The following FAM186B variants were observed in gnomAD, a reference collection of about 807,000 sequenced individuals.
FAM186B encodes the protein protein FAM186B.
Under a neutral mutation model 83.4 loss-of-function variants are expected in FAM186B, and 68 were observed. The ratio of observed to expected loss-of-function variants is 0.81; its 90% CI spans 0.67 to 1.00. The LOEUF (loss-of-function observed/expected upper bound fraction) is 1.00. Ranked by LOEUF, FAM186B falls within the 50% of genes least tolerant of loss-of-function variation. The pLI, the probability that FAM186B is intolerant of heterozygous loss-of-function variation, is 0.00. For synonymous variants in FAM186B, 389 were observed against 422.0 expected (o/e 0.92, Z 0.96); for missense variants, 983 against 1,099.2 (o/e 0.89, Z 1.49).
chr12:49,622,010 A>T, the FAM186B span, among the ~76,000 whole-genome samples: 1 of 152,276 alleles, frequency 6.6e-6, no homozygotes, highest in Non-Finnish European at 1.5e-5. Flanking sequence ...GTTCTAAGAA[A>T]TATTTCATTA....
chr12:49,601,880 C>A (rs1939903768), intron 3 of FAM186B, among the ~76,000 whole-genome samples: 1 of 152,084 alleles, frequency 6.6e-6, no homozygotes, highest in Non-Finnish European at 1.5e-5. Context: ...GTGGAAAAAA[C>A]AATGCTAACT....
the FAM186B span, among the ~76,000 whole-genome samples, chr12:49,612,763 T>C: frequency 5.9e-5 from 9 of 152,124 alleles, no homozygotes; most frequent in South Asian, 2.1e-4. Flanking sequence ...CAAAAAGACA[T>C]AGACAACCAC....
At chr12:49,597,045 T>A (rs1939743770) in intron 5 of FAM186B, among the ~76,000 whole-genome samples, 1 of 152,214 alleles carries the variant, frequency 6.6e-6, no homozygotes, top group African/African-American at 2.4e-5. Flanking sequence ...ATATTCACCA[T>A]TGTGTTCTGA....
the FAM186B span, among the ~76,000 whole-genome samples, chr12:49,612,367 G>GTTT: frequency 4.4e-4 from 59 of 134,026 alleles, no homozygotes; most frequent in African/African-American, 1.1e-3. Context: ...ATCCAACAAA[G>GTTT]TTTTTTTTTT....
Position 49,600,784 on chromosome 12 carries a change from G to C in FAM186B, c.856C>G (p.Leu286Val), listed in dbSNP as rs1939870399. Residue 286 changes from leucine (L) to valine (V), a missense_variant, in exon 4 of 7, where the codon CTT becomes GTT. Coordinates refer to ENST00000257894, the MANE Select transcript of FAM186B (RefSeq NM_032130.3). The surrounding 1 kb of genome is among the most constrained non-coding windows in gnomAD (Gnocchi z 4.3). ...RLHFQQFMEVLESRRDALLKQ... is the reference protein window; with the variant it reads ...RLHFQQFMEVVESRRDALLKQ... ...AGCAGAGCATCCCTCCTGCTCTCAA[G>C]GACCTCCATGAACTGCTGGAAGTGC... 3 of 1,613,010 alleles carry C rather than the reference G, an allele frequency of 1.9e-6. No individual in the cohort carries two copies. Among genetic ancestry groups the C allele is most frequent in the Non-Finnish European group, 2.5e-6 (3 of 1,179,264 alleles).
the FAM186B span, among the ~76,000 whole-genome samples, chr12:49,616,142 G>T: frequency 6.6e-6 from 1 of 151,764 alleles, no homozygotes; most frequent in Non-Finnish European, 1.5e-5. Context: ...CGATTCTCCT[G>T]CCTCAGCCTC....
At chr12:49,591,438 A>G (rs1939579231) in intron 5 of FAM186B, among the ~76,000 whole-genome samples, 1 of 152,232 alleles carries the variant, frequency 6.6e-6, no homozygotes, top group Non-Finnish European at 1.5e-5. Context: ...CTGCCCACCT[A>G]GAATTCTACA....
At chr12:49,584,366 C>T (rs1592539395), downstream of FAM186B, 13 of 628,196 alleles carry the variant, frequency 2.1e-5, no homozygotes, top group East Asian at 3.6e-4. Flanking sequence ...TCTAGGAGTA[C>T]TCAGCAACCC....
the FAM186B span, among the ~76,000 whole-genome samples, chr12:49,614,762 A>G: frequency 1.3e-5 from 2 of 152,192 alleles, no homozygotes; most frequent in Non-Finnish European, 2.9e-5. Context: ...CTATGAGGAC[A>G]CAAAGGCATA....
At chr12:49,611,085 A>T in the FAM186B span, among the ~76,000 whole-genome samples, 4 of 151,658 alleles carry the variant, frequency 2.6e-5, no homozygotes, top group Non-Finnish European at 4.4e-5. Flanking sequence ...ACTAAAAAAA[A>T]AATTAGGCCA....
At chr12:49,598,379 AGACT>A (rs1939776245) in intron 5 of FAM186B, among the ~76,000 whole-genome samples, 1 of 152,222 alleles carries the variant, frequency 6.6e-6, no homozygotes, top group South Asian at 2.1e-4. Flanking sequence ...GAGAGCCACC[AGACT>A]GACAGGAGCA....
intron 1 of FAM186B, chr12:49,605,123 C>G: frequency 7.8e-7 from 1 of 1,276,712 alleles, no homozygotes; most frequent in South Asian, 1.6e-5. Flanking sequence ...CCACGATGTG[C>G]CTCAGGGCTA....
downstream of FAM186B, chr12:49,583,435 T>C (rs946351367): frequency 1.1e-4 from 24 of 210,040 alleles, no homozygotes; most frequent in South Asian, 3.5e-4. Flanking sequence ...TTAAGTATCA[T>C]TGGGGTGAGG....
At chr12:49,613,456 G>A in the FAM186B span, among the ~76,000 whole-genome samples, 1 of 151,836 alleles carries the variant, frequency 6.6e-6, no homozygotes, top group Non-Finnish European at 1.5e-5. Flanking sequence ...GAACCTGGGA[G>A]GCAGAGCTTG....
the FAM186B span, among the ~76,000 whole-genome samples, chr12:49,613,565 C>T: frequency 5.5e-5 from 8 of 144,398 alleles, no homozygotes; most frequent in South Asian, 2.2e-4. Flanking sequence ...ATTGGCCGGG[C>T]GCAGTGACTC....
rs141359129 is a variant in FAM186B at position 49,588,209 on chromosome 12, C to T, written c.2534+245G>A. 3.9e-5 allele frequency among the ~76,000 whole-genome samples: 6 copies of T among 152,352 alleles called. No homozygotes were observed. The East Asian group carries it at 7.7e-4, about 20-fold the overall frequency. On this transcript the variant is annotated intron_variant, in intron 6 of 6. Coordinates refer to ENST00000257894, the MANE Select transcript of FAM186B (RefSeq NM_032130.3). ...GTGTGGGTCCTCAGAGTCTTTCCGTCGCATAGTTTGAAATGCACTGGTCAG... is the reference window on the plus strand; with the variant it reads ...GTGTGGGTCCTCAGAGTCTTTCCGTTGCATAGTTTGAAATGCACTGGTCAG...
the FAM186B span, among the ~76,000 whole-genome samples, chr12:49,615,995 G>T: frequency 1.3e-5 from 2 of 151,928 alleles, no homozygotes; most frequent in Non-Finnish European, 2.9e-5. Context: ...GTATATTGCC[G>T]GTGGGAATGT....
At position 49,587,561 on chromosome 12, in the gene FAM186B, C is replaced by T. The variant is rs1939473417; in HGVS notation, c.*44G>A. 2 of 1,613,372 alleles carry T rather than the reference C, an allele frequency of 1.2e-6. No individual in the cohort carries two copies. The highest frequency in any genetic ancestry group is 1.7e-6 in the Non-Finnish European group (2 of 1,179,298). On this transcript the variant is annotated 3_prime_UTR_variant, in exon 7 of 7. Coordinates refer to ENST00000257894, the MANE Select transcript of FAM186B (RefSeq NM_032130.3). ...ATCCACATTGACCATCAGCCTCGCACCTTACTGGGCCTTCAGGAAGTTCAG... is the reference window on the plus strand; with the variant it reads ...ATCCACATTGACCATCAGCCTCGCATCTTACTGGGCCTTCAGGAAGTTCAG...
the FAM186B span, among the ~76,000 whole-genome samples, chr12:49,610,713 G>A: frequency 4.6e-5 from 7 of 150,902 alleles, no homozygotes; most frequent in Middle Eastern, 3.4e-3. Context: ...TGGCGTGAAC[G>A]CGGGAGGCAG....
Sources: gnomAD v4.1 joint callset for allele counts (sites outside exome capture counted in the v4.1 genomes callset) on GRCh38, gnomAD v4.1.1 for gene constraint, Gnocchi (gnomAD v3.1) non-coding constraint, MANE v1.5 for transcripts, NCBI Gene and HGNC (gene_info 2026-07-23, HGNC 2026-07-21) for gene names.